Variants in TACR1 observed in about 807,000 individuals in gnomAD.
TACR1 encodes the protein tachykinin receptor 1.
In TACR1, 25 loss-of-function variants were observed where a neutral mutation model predicts 35.8. The ratio of observed to expected loss-of-function variants is 0.70; its 90% CI spans 0.51 to 0.98. TACR1 has a LOEUF of 0.98. Among genes scored for constraint, TACR1 ranks in the 50% least tolerant of loss-of-function variants. TACR1 has a pLI of 0.00. For synonymous variants in TACR1, 195 were observed against 206.7 expected, an observed-to-expected ratio of 0.94 and a Z score of 0.48; for missense variants, 478 against 522.9, an observed-to-expected ratio of 0.91 and a Z score of 0.84.
intron 1 of TACR1, among the ~76,000 whole-genome samples, chr2:75,134,477 G>A (rs913613512): frequency 5.9e-5 from 9 of 152,156 alleles, no homozygotes; most frequent in Admixed American, 5.2e-4. Context: ...TGCTCCAGAG[G>A]ACTTATGATG....
intron 1 of TACR1, among the ~76,000 whole-genome samples, chr2:75,160,207 C>G (rs547602186): frequency 2.0e-5 from 3 of 151,452 alleles, no homozygotes; most frequent in African/African-American, 7.3e-5. Context: ...AGGAAAATCT[C>G]TCCTGAGCAG....
intron 2 of TACR1, among the ~76,000 whole-genome samples, chr2:75,087,010 G>C (rs1350564370): frequency 6.6e-6 from 1 of 152,126 alleles, no homozygotes; most frequent in East Asian, 1.9e-4. Flanking sequence ...CTTGAAATGT[G>C]GCTGGTCCAA....
intron 2 of TACR1, among the ~76,000 whole-genome samples, chr2:75,086,775 A>G (rs547370291): frequency 6.6e-6 from 1 of 152,322 alleles, no homozygotes; most frequent in African/African-American, 2.4e-5. Context: ...GTTTCAAAAG[A>G]GAGAGAATGT....
intron 1 of TACR1, among the ~76,000 whole-genome samples, chr2:75,158,213 G>A (rs1465529119): frequency 6.6e-6 from 1 of 152,162 alleles, no homozygotes; most frequent in Non-Finnish European, 1.5e-5. Context: ...TCCTATGGAC[G>A]AAGATCGAGC....
In TACR1 at chr2:75,168,138, CTTG is replaced by C. The variant is rs757932201; in HGVS notation, c.389+30405_389+30407del. Among the ~76,000 whole-genome samples the C allele has an allele frequency of 3.9e-5, 6 of 152,284 alleles. No individual in the cohort carries two copies. In the East Asian group the frequency reaches 1.2e-3, roughly 29 times the overall value. ...TTTTCACAGACTATGTAGAAGAATA[CTTG>C]TTGTTTATTATTTTAAAAATCTCTA... On this transcript the variant is annotated intron_variant, in intron 1 of 4. Coordinates refer to ENST00000305249, the MANE Select transcript of TACR1 (RefSeq NM_001058.4).
At chr2:75,068,068 A>G (rs1223524941) in intron 2 of TACR1, among the ~76,000 whole-genome samples, 1 of 152,208 alleles carries the variant, frequency 6.6e-6, no homozygotes, top group Non-Finnish European at 1.5e-5. Flanking sequence ...CTCTGCAGAA[A>G]CAGAGCCAAT....
At chr2:75,059,819 C>A (rs1672638564) in intron 2 of TACR1, among the ~76,000 whole-genome samples, 1 of 152,202 alleles carries the variant, frequency 6.6e-6, no homozygotes, top group South Asian at 2.1e-4. Flanking sequence ...CTCGTTCCTC[C>A]TGCTCTTCCT....
chr2:75,081,581 C>T (rs1673087294), intron 2 of TACR1, among the ~76,000 whole-genome samples: 1 of 152,120 alleles, frequency 6.6e-6, no homozygotes, highest in Admixed American at 6.5e-5. Context: ...TAAGACCCCT[C>T]TAGGTTGGGG....
chr2:75,115,824 G>T (rs1673843587), intron 2 of TACR1, among the ~76,000 whole-genome samples: 1 of 143,622 alleles, frequency 7.0e-6, no homozygotes, highest in African/African-American at 2.6e-5. Context: ...GGAGAATGGC[G>T]TGAACCTGGG....
At chr2:75,050,778 G>A (rs996815937) in intron 4 of TACR1, among the ~76,000 whole-genome samples, 8 of 152,182 alleles carry the variant, frequency 5.3e-5, no homozygotes, top group African/African-American at 1.9e-4. Flanking sequence ...AGATGGAATG[G>A]GAAAAAGACA....
chr2:75,191,409 G>A (rs539907771), intron 1 of TACR1, among the ~76,000 whole-genome samples: 1 of 151,926 alleles, frequency 6.6e-6, no homozygotes, highest in Non-Finnish European at 1.5e-5. Context: ...GCCAGAGAAG[G>A]GTCCATAAGA....
intron 2 of TACR1, among the ~76,000 whole-genome samples, chr2:75,096,904 C>T (rs775760706): frequency 6.6e-6 from 1 of 152,210 alleles, no homozygotes; most frequent in Non-Finnish European, 1.5e-5. Context: ...TGTGGGCTCA[C>T]ACCCCATTCT....
chr2:75,074,876 T>C (rs563960236), intron 2 of TACR1, among the ~76,000 whole-genome samples: 1 of 152,292 alleles, frequency 6.6e-6, no homozygotes, highest in Non-Finnish European at 1.5e-5. Context: ...AACCAGCTGG[T>C]CTTGATTTAC....
intron 1 of TACR1, chr2:75,188,230 C>T (rs1675753906): frequency 6.6e-6 from 1 of 152,180 alleles, no homozygotes; most frequent in African/African-American, 2.4e-5. Context: ...TTTGTTTAAA[C>T]ATTTTCAGAG....
chr2:75,057,313 C>G (rs1672588407), intron 2 of TACR1, among the ~76,000 whole-genome samples: 2 of 152,264 alleles, frequency 1.3e-5, no homozygotes, highest in South Asian at 4.1e-4. Context: ...GGGAACAACC[C>G]CCTTTGACTG....
chr2:75,164,359 A>G (rs933356068), intron 1 of TACR1, among the ~76,000 whole-genome samples: 3 of 151,952 alleles, frequency 2.0e-5, no homozygotes, highest in Non-Finnish European at 4.4e-5. Context: ...AGGAATGACA[A>G]TATTTATATT....
At chr2:75,106,897 A>G (rs1673655892) in intron 2 of TACR1, among the ~76,000 whole-genome samples, 2 of 151,788 alleles carry the variant, frequency 1.3e-5, no homozygotes, top group African/African-American at 2.4e-5. Context: ...AAGACCAACT[A>G]TAACAATATA....
chr2:75,164,698 A>C (rs1035517016), intron 1 of TACR1, among the ~76,000 whole-genome samples: 3 of 152,210 alleles, frequency 2.0e-5, no homozygotes, highest in Non-Finnish European at 4.4e-5. Flanking sequence ...GATTTCATGA[A>C]GCAGAGTTAA....
At chr2:75,171,436 G>C (rs1017629464) in intron 1 of TACR1, among the ~76,000 whole-genome samples, 3 of 152,244 alleles carry the variant, frequency 2.0e-5, no homozygotes, top group African/African-American at 7.2e-5. Context: ...TACTAGGGCA[G>C]TACAGAGGGA....
Sources: gnomAD v4.1 joint callset for allele counts (sites outside exome capture counted in the v4.1 genomes callset) on GRCh38, gnomAD v4.1.1 for gene constraint, MANE v1.5 for transcripts, NCBI Gene and HGNC (gene_info 2026-07-23, HGNC 2026-07-21) for gene names.